The following BOLA3 variants were observed in gnomAD, a reference collection of about 807,000 sequenced individuals.
The protein encoded by BOLA3 is bolA family member 3.
In BOLA3, 8 loss-of-function variants were observed where a neutral mutation model predicts 14.5. That is an observed-to-expected ratio of 0.55 (90% CI 0.32 to 0.99). The LOEUF is 0.99. Ranked by LOEUF, BOLA3 falls within the 50% of genes least tolerant of loss-of-function variation. The pLI is 0.04. For synonymous variants in BOLA3, 42 were observed against 45.7 expected (o/e 0.92, Z 0.33); for missense variants, 115 against 138.2 (o/e 0.83, Z 0.84).
At chr2:74,135,800 AC>A (rs1692314167) in intron 3 of BOLA3, 142 bp from the exon 4 acceptor site, 1 of 685,556 alleles carries the variant, frequency 1.5e-6, no homozygotes, top group South Asian at 1.8e-5. Flanking sequence ...TTTTTGAAAA[AC>A]AATTTTTTTT....
chr2:74,144,980 C>T (rs1310145598), intron 2 of BOLA3, among the ~76,000 whole-genome samples: 3 of 152,168 alleles, frequency 2.0e-5, no homozygotes, highest in South Asian at 2.1e-4. Context: ...CTCCCAGCTG[C>T]GCCTTGTCCT....
chr2:74,142,206 C>A, intron 3 of BOLA3, 66 bp downstream of exon 3: 1 of 1,200,600 alleles, frequency 8.3e-7, no homozygotes, highest in Non-Finnish European at 1.2e-6. Flanking sequence ...AAACCACCAT[C>A]CCTGCTTGGC....
Position 74,135,586 on chromosome 2 carries a change from G to A in BOLA3, c.*7C>T, listed in dbSNP as rs756966193. 14 of 1,613,880 alleles carry A rather than the reference G, an allele frequency of 8.7e-6. No individual in the cohort carries two copies. The highest frequency in any genetic ancestry group is 8.5e-7 in the Non-Finnish European group (1 of 1,179,932). On this transcript the variant is annotated 3_prime_UTR_variant, in exon 4 of 4. Coordinates refer to ENST00000327428, the MANE Select transcript of BOLA3 (RefSeq NM_212552.3). ...TAAGCAGCAGCATCTATGCAGCCAG[G>A]GCGTGGTCAGCGTTTGGGGACAGAG...
At chr2:74,145,470 T>C in intron 1 of BOLA3, 167 bp from the exon 2 acceptor site, 2 of 650,264 alleles carry the variant, frequency 3.1e-6, no homozygotes, top group Non-Finnish European at 5.6e-6. Flanking sequence ...CAGGAGTCCA[T>C]GTAAGTGCCC....
chr2:74,142,180 C>A, intron 3 of BOLA3, 92 bp downstream of exon 3: 1 of 934,050 alleles, frequency 1.1e-6, no homozygotes, highest in Non-Finnish European at 1.8e-6. Context: ...TTATTCTCTC[C>A]TGCAACTGAC....
chr2:74,136,853 G>A (rs769324226), intron 3 of BOLA3, among the ~76,000 whole-genome samples: 1 of 152,168 alleles, frequency 6.6e-6, no homozygotes, highest in Non-Finnish European at 1.5e-5. Flanking sequence ...AAGGAATTAT[G>A]GGACTTGTTT....
At chr2:74,142,032 T>A (rs1238572401) in intron 3 of BOLA3, among the ~76,000 whole-genome samples, 1 of 152,236 alleles carries the variant, frequency 6.6e-6, no homozygotes, top group Non-Finnish European at 1.5e-5. Flanking sequence ...ATAGGTAGCA[T>A]TATACGAGGA....
intron 2 of BOLA3, among the ~76,000 whole-genome samples, chr2:74,144,861 A>G (rs936454585): frequency 2.6e-5 from 4 of 152,152 alleles, no homozygotes; most frequent in African/African-American, 4.8e-5. Context: ...AGAATGGGGG[A>G]AAATTAGAGC....
At chr2:74,141,936 C>T (rs1212007877) in intron 3 of BOLA3, among the ~76,000 whole-genome samples, 2 of 152,172 alleles carry the variant, frequency 1.3e-5, no homozygotes, top group African/African-American at 4.8e-5. Flanking sequence ...GGCCAAAAAA[C>T]CCCTCTTCAG....
chr2:74,146,489 C>G (rs1386627681), intron 1 of BOLA3: 2 of 152,286 alleles, frequency 1.3e-5, no homozygotes, highest in East Asian at 1.9e-4. Context: ...GTGATAGAAC[C>G]CAGGCTCATG....
rs766621227 is a variant in BOLA3 at position 74,135,558 on chromosome 2, T to G, written c.*35A>C. 6 of 1,613,448 alleles carry G rather than the reference T, an allele frequency of 3.7e-6. No individual in the cohort carries two copies. The South Asian group carries it at 6.6e-5, about 18-fold the overall frequency. ...TGATGTCAGTGAAGTTCATCCAAGG[T>G]CTTAAGCAGCAGCATCTATGCAGCC... is the stretch of plus-strand genomic sequence containing the variant. On this transcript the variant is annotated 3_prime_UTR_variant, in exon 4 of 4. Coordinates refer to ENST00000327428, the MANE Select transcript of BOLA3 (RefSeq NM_212552.3).
chr2:74,142,329 A>G lies in BOLA3; in HGVS notation c.201T>C (p.Ile67=). Residue 67 remains isoleucine (I), a synonymous_variant, in exon 3 of 4, where the codon ATT becomes ATC. Transcript: ENST00000327428. ...GGCGAMYEIK[I]ESEEFKEKRT... ...TCTTCTCCTTAAATTCTTCTGATTC[A>G]ATTTTAATTTCATACATCGCCCCAC... 1 of 1,613,956 alleles carries G rather than the reference A, an allele frequency of 6.2e-7. No homozygotes were observed. Among genetic ancestry groups the G allele is most frequent in the Non-Finnish European group, 8.5e-7 (1 of 1,179,868 alleles).
chr2:74,142,684 C>T (rs547146848), intron 2 of BOLA3, among the ~76,000 whole-genome samples: 15 of 152,232 alleles, frequency 9.9e-5, no homozygotes, highest in Admixed American at 3.3e-4. Context: ...GGCCAATAAA[C>T]GCCACGGAAG....
intron 1 of BOLA3, 43 bp downstream of exon 1, chr2:74,147,778 C>T (rs1216212876): frequency 2.6e-6 from 4 of 1,527,988 alleles, no homozygotes; most frequent in East Asian, 4.9e-5. Flanking sequence ...CCCTCCGCAG[C>T]TCCCGTCCCG....
At chr2:74,145,344 G>A (rs1305997493) in intron 1 of BOLA3, 41 bp from the exon 2 acceptor site, 5 of 1,232,490 alleles carry the variant, frequency 4.1e-6, no homozygotes, top group Non-Finnish European at 3.6e-6. Flanking sequence ...AGAGGAAGAT[G>A]CTGTTGCCCC....
intron 3 of BOLA3, among the ~76,000 whole-genome samples, chr2:74,140,387 G>GT (rs1692417602): frequency 6.6e-6 from 1 of 152,178 alleles, no homozygotes; most frequent in South Asian, 2.1e-4. Context: ...ATTTCCATGG[G>GT]TAAGCCAATA....
intron 2 of BOLA3, among the ~76,000 whole-genome samples, chr2:74,144,489 G>A (rs186498885): frequency 4.1e-4 from 62 of 152,310 alleles, no homozygotes; most frequent in Non-Finnish European, 2.4e-4. Flanking sequence ...CCTATCCAGC[G>A]GCCCACGCCA....
intron 3 of BOLA3, among the ~76,000 whole-genome samples, chr2:74,139,166 C>G (rs1164005779): frequency 6.6e-6 from 1 of 152,154 alleles, no homozygotes; most frequent in Non-Finnish European, 1.5e-5. Context: ...TCCAGGGAAT[C>G]CCGCAGGGAC....
chr2:74,135,434 T>C lies in BOLA3; in HGVS notation c.*159A>G. On this transcript the variant is annotated 3_prime_UTR_variant, in exon 4 of 4. Transcript: ENST00000327428. ...AAAAGCTTCAGTTGTTTGTTTCCTT[T>C]AATTAACATCTAAATAGATTATACA... The C allele has an allele frequency of 2.5e-6, 3 of 1,212,774 alleles. No homozygotes were observed. Among genetic ancestry groups the C allele is most frequent in the South Asian group, 2.6e-5 (2 of 77,054 alleles). The allele number at this position is 1,212,774 out of a possible 1,614,324, so 75.1% of individuals were successfully genotyped here.
Sources: allele counts gnomAD v4.1 joint callset (sites outside exome capture counted in the v4.1 genomes callset), GRCh38; gene constraint gnomAD v4.1.1; transcripts MANE v1.5; gene names NCBI Gene and HGNC (gene_info 2026-07-23, HGNC 2026-07-21).